Variants in GABRR1 observed in about 807,000 individuals in gnomAD.
GABRR1 encodes gamma-aminobutyric acid receptor subunit rho-1.
In GABRR1, 59 loss-of-function variants were observed where a neutral mutation model predicts 55.5. That is an observed-to-expected ratio of 1.06 (90% confidence interval 0.86 to 1.32). The LOEUF (loss-of-function observed/expected upper bound fraction) is 1.32, where lower values mean the gene tolerates loss of function less well. Among genes scored for constraint, GABRR1 ranks in the 40% most tolerant of loss-of-function variants. GABRR1 has a pLI of 0.00. For synonymous variants in GABRR1, 213 were observed against 226.0 expected, an observed-to-expected ratio of 0.94 and a Z score of 0.51; for missense variants, 602 against 619.1, an observed-to-expected ratio of 0.97 and a Z score of 0.29.
chr6:89,222,522 T>C (rs1296064862), intron 1 of GABRR1, among the ~76,000 whole-genome samples: 1 of 152,256 alleles, frequency 6.6e-6, no homozygotes, highest in Non-Finnish European at 1.5e-5. Flanking sequence ...GTGGTATTTA[T>C]AGTGTGCTTC....
intron 6 of GABRR1, among the ~76,000 whole-genome samples, chr6:89,187,756 A>G (rs1771955174): frequency 6.6e-6 from 1 of 152,228 alleles, no homozygotes; most frequent in Non-Finnish European, 1.5e-5. Flanking sequence ...TTCACTTAGC[A>G]TAATGCCCTC....
At chr6:89,181,678 T>G (rs1771724081) in intron 8 of GABRR1, among the ~76,000 whole-genome samples, 1 of 152,136 alleles carries the variant, frequency 6.6e-6, no homozygotes, top group African/African-American at 2.4e-5. Context: ...TCGACAAGAC[T>G]AAAGGTGGGC....
At chr6:89,229,257 T>C (rs1247813058) in intron 1 of GABRR1, among the ~76,000 whole-genome samples, 1 of 152,124 alleles carries the variant, frequency 6.6e-6, no homozygotes, top group Non-Finnish European at 1.5e-5. Flanking sequence ...ATTTAGGCCA[T>C]TTACATTTAA....
intron 1 of GABRR1, among the ~76,000 whole-genome samples, chr6:89,209,766 G>A (rs1357657640): frequency 2.6e-5 from 4 of 152,186 alleles, no homozygotes; most frequent in Non-Finnish European, 5.9e-5. Flanking sequence ...AGACTTCAGT[G>A]TGAATCCCAG....
At chr6:89,202,748 G>A (rs1404313710) in intron 2 of GABRR1, among the ~76,000 whole-genome samples, 2 of 151,434 alleles carry the variant, frequency 1.3e-5, no homozygotes, top group African/African-American at 4.9e-5. Flanking sequence ...ATCCAAGCTG[G>A]ATTCAGTGAC....
At chr6:89,196,822 G>GGAAAGAAAGAAAGAAAGAAAGAAA (rs59446411) in intron 5 of GABRR1, among the ~76,000 whole-genome samples, 58 of 91,124 alleles carry the variant, frequency 6.4e-4, no homozygotes, top group East Asian at 2.5e-3. Flanking sequence ...AAGAAAAGAA[G>GGAAAGAAAGAAAGAAAGAAAGAAA]GAAAGAAAGA....
chr6:89,187,250 C>G (rs1771933846), intron 6 of GABRR1, among the ~76,000 whole-genome samples: 1 of 151,872 alleles, frequency 6.6e-6, no homozygotes, highest in South Asian at 2.1e-4. Flanking sequence ...TTAAAATACA[C>G]ATAAAATTTA....
At chr6:89,214,975 G>A (rs1251463938) in intron 1 of GABRR1, among the ~76,000 whole-genome samples, 1 of 152,148 alleles carries the variant, frequency 6.6e-6, no homozygotes, top group Admixed American at 6.5e-5. Context: ...TTAGGTAACA[G>A]GGCAAGACTC....
chr6:89,200,913 C>T (rs1185041073), intron 3 of GABRR1, among the ~76,000 whole-genome samples: 1 of 152,096 alleles, frequency 6.6e-6, no homozygotes, highest in Non-Finnish European at 1.5e-5. Context: ...CCTCCCTCAT[C>T]GTGAGCCATC....
chr6:89,212,970 C>T lies in GABRR1; in HGVS notation c.122+4231G>A, dbSNP rs372025968. On this transcript the variant is annotated intron_variant, in intron 1 of 9. Transcript: ENST00000454853. ...TACAGGCATGAGCCACCATGCCCGG[C>T]CTGAGACAGTAAGTTTTGATTCTAG... Among the ~76,000 whole-genome samples, 32 of 152,318 alleles carry T rather than the reference C, an allele frequency of 2.1e-4. No homozygotes were observed. In the East Asian group the frequency reaches 6.0e-3, roughly 28 times the overall value.
rs57085890 is a variant in GABRR1, at chr6:89,196,881, G to GAAAGAAAGAAAGAAAGAA, written c.572+1138_572+1139insTTCTTTCTTTCTTTCTTT. 1.0e-3 allele frequency among the ~76,000 whole-genome samples: 96 copies of GAAAGAAAGAAAGAAAGAA among 95,280 alleles called. 1 individual carries two copies. The highest frequency in any genetic ancestry group is 5.7e-3 in the Middle Eastern group (1 of 174). 62.5% of individuals were successfully genotyped at this position (95,280 alleles called of 152,430 possible). ...AAAGAAAGAAAGAAAGAAAGAAAGA[G>GAAAGAAAGAAAGAAAGAA]AAGAGAAGAAAAAAGAAAAGAAAAT... On this transcript the variant is annotated intron_variant, in intron 5 of 9. Coordinates refer to ENST00000454853, the MANE Select transcript of GABRR1 (RefSeq NM_002042.5).
intron 1 of GABRR1, among the ~76,000 whole-genome samples, chr6:89,206,618 CT>C (rs139149933): frequency 0.22 from 32,049 of 145,146 alleles, 3,503 homozygotes; most frequent in Admixed American, 0.3. Flanking sequence ...AGAGACTGTA[CT>C]TTTTTTTTTT....
rs367580189 is a variant in GABRR1 at position 89,222,564 on chromosome 6, G to A, written c.-410-1118C>T. On this transcript the variant is annotated intron_variant, in intron 1 of 11. Coordinates refer to the GABRR1 transcript ENST00000369451. ...AACCACCCCCGTTCTGCATCTGCTCGTTTAATTCAGGTCAGATTCCTTGAT... is the reference window on the plus strand; with the variant it reads ...AACCACCCCCGTTCTGCATCTGCTCATTTAATTCAGGTCAGATTCCTTGAT... Among the ~76,000 whole-genome samples, 19 of 152,318 alleles carry A rather than the reference G, an allele frequency of 1.2e-4. No homozygotes were observed. The South Asian group carries it at 2.7e-3, about 22-fold the overall frequency.
At chr6:89,221,962 A>C (rs1439770200), upstream of GABRR1, among the ~76,000 whole-genome samples, 1 of 152,226 alleles carries the variant, frequency 6.6e-6, no homozygotes, top group Non-Finnish European at 1.5e-5. Flanking sequence ...CTTAGAGGTG[A>C]GTGGTCCAGA....
At chr6:89,191,847 A>G (rs1582383837) in intron 5 of GABRR1, among the ~76,000 whole-genome samples, 1 of 152,070 alleles carries the variant, frequency 6.6e-6, no homozygotes, top group Admixed American at 6.6e-5. Flanking sequence ...AGTTCATTCA[A>G]ATGAAGACTT....
At chr6:89,202,087 T>A (rs878997116) in intron 2 of GABRR1, among the ~76,000 whole-genome samples, 5 of 152,162 alleles carry the variant, frequency 3.3e-5, no homozygotes, top group Admixed American at 3.3e-4. Context: ...GACCATCCTG[T>A]TTGCATGGAA....
At chr6:89,197,963 C>T (rs1481307625) in intron 5 of GABRR1, 57 bp downstream of exon 5, 8 of 1,501,590 alleles carry the variant, frequency 5.3e-6, no homozygotes, top group Admixed American at 5.1e-5. Flanking sequence ...ACCCAAATTG[C>T]TGTTGTGAAA....
At chr6:89,209,189 C>A (rs1378840882) in intron 1 of GABRR1, among the ~76,000 whole-genome samples, 1 of 151,606 alleles carries the variant, frequency 6.6e-6, no homozygotes, top group East Asian at 1.9e-4. Context: ...CTTTTTTTTC[C>A]TTGTACATAT....
At chr6:89,194,346 T>C (rs1020552384) in intron 5 of GABRR1, among the ~76,000 whole-genome samples, 71 of 152,176 alleles carry the variant, frequency 4.7e-4, no homozygotes, top group African/African-American at 1.6e-3. Flanking sequence ...GAGGCGAACC[T>C]GGGTTTAAGG....
Sources: gnomAD v4.1 joint callset for allele counts (sites outside exome capture counted in the v4.1 genomes callset) on GRCh38, gnomAD v4.1.1 for gene constraint, MANE v1.5 for transcripts, NCBI Gene and HGNC (gene_info 2026-07-23, HGNC 2026-07-21) for gene names.